The following STX8 variants were observed in gnomAD, a reference collection of about 807,000 sequenced individuals.
STX8 encodes syntaxin-8.
In STX8, 23 loss-of-function variants were observed where a neutral mutation model predicts 37.5. That is an observed-to-expected ratio of 0.61 (90% confidence interval 0.44 to 0.87). The LOEUF is 0.87. Ranked by LOEUF, STX8 falls within the 40% of genes least tolerant of loss-of-function variation. The pLI, the probability that STX8 is intolerant of heterozygous loss-of-function variation, is 0.00. For synonymous variants in STX8, 115 were observed against 99.1 expected (o/e 1.16, Z -0.95); for missense variants, 313 against 284.7 (o/e 1.10, Z -0.71).
chr17:9,552,228 G>T (rs988119190), intron 3 of STX8, among the ~76,000 whole-genome samples: 2 of 152,144 alleles, frequency 1.3e-5, no homozygotes, highest in African/African-American at 4.8e-5. Context: ...TGGACCCCTA[G>T]CTACTTGGGA....
chr17:9,522,894 T>C (rs185991414), intron 4 of STX8, among the ~76,000 whole-genome samples: 1 of 152,200 alleles, frequency 6.6e-6, no homozygotes, highest in East Asian at 1.9e-4. Flanking sequence ...TAATTTACAG[T>C]TTTTTGAATA....
At chr17:9,510,098 T>C (rs1209547699) in intron 4 of STX8, among the ~76,000 whole-genome samples, 2 of 152,144 alleles carry the variant, frequency 1.3e-5, no homozygotes, top group East Asian at 1.9e-4. Flanking sequence ...TGTAAATATA[T>C]ACACATTCAA....
intron 6 of STX8, among the ~76,000 whole-genome samples, chr17:9,454,149 TC>T (rs1487783323): frequency 1.4e-4 from 22 of 152,328 alleles, no homozygotes; most frequent in African/African-American, 5.3e-4. Flanking sequence ...TACACAGTAG[TC>T]CCCGCTTGTC....
At chr17:9,359,190 C>T (rs1910980165) in intron 7 of STX8, among the ~76,000 whole-genome samples, 1 of 151,936 alleles carries the variant, frequency 6.6e-6, no homozygotes, top group Non-Finnish European at 1.5e-5. Context: ...TTACAGGCGC[C>T]TGCCACCACG....
intron 6 of STX8, among the ~76,000 whole-genome samples, chr17:9,440,827 A>ATT (rs140873719): frequency 1.4e-4 from 21 of 151,736 alleles, no homozygotes; most frequent in African/African-American, 4.8e-4. Context: ...ATCCAGCCTG[A>ATT]TTTTTTTTTA....
At position 9,371,635 on chromosome 17, in the gene STX8, CTT is replaced by C. The variant is rs11295188; in HGVS notation, c.643+6915_643+6916del. Among the ~76,000 whole-genome samples, 90 of 145,742 alleles carry C rather than the reference CTT, an allele frequency of 6.2e-4. 1 individual carries two copies. The highest frequency in any genetic ancestry group is 1.9e-3 in the African/African-American group (76 of 39,942). On this transcript the variant is annotated intron_variant, in intron 7 of 7. Coordinates refer to ENST00000306357, the MANE Select transcript of STX8 (RefSeq NM_004853.3). ...GCTAACATTTATCAAATGGATTATG[CTT>C]TTTTTTTTTTTCTTTCTTCTGGTTT...
chr17:9,268,714 C>A (rs1203357410), intron 7 of STX8, among the ~76,000 whole-genome samples: 2 of 152,202 alleles, frequency 1.3e-5, no homozygotes, highest in Non-Finnish European at 2.9e-5. Context: ...AGAACTGGTG[C>A]TCTTCAACCC....
chr17:9,391,399 C>A (rs545704470), intron 6 of STX8, among the ~76,000 whole-genome samples: 2 of 152,052 alleles, frequency 1.3e-5, no homozygotes, highest in African/African-American at 4.8e-5. Context: ...TTGCAGTGAG[C>A]GGAGATCATG....
intron 7 of STX8, among the ~76,000 whole-genome samples, chr17:9,310,402 C>T (rs766170739): frequency 1.3e-5 from 2 of 152,182 alleles, no homozygotes; most frequent in Non-Finnish European, 2.9e-5. Context: ...TAGAATAAAA[C>T]ACATCTGCTT....
chr17:9,516,310 TATATA>T (rs1424092220), intron 4 of STX8, among the ~76,000 whole-genome samples: 6 of 89,624 alleles, frequency 6.7e-5, no homozygotes, highest in Non-Finnish European at 1.3e-4. Context: ...TATATATATA[TATATA>T]TATATATATA....
intron 7 of STX8, among the ~76,000 whole-genome samples, chr17:9,263,639 T>C (rs576656070): frequency 4.6e-5 from 7 of 152,316 alleles, no homozygotes; most frequent in African/African-American, 1.7e-4. Flanking sequence ...GACTTTGAGG[T>C]TATTTCAAAA....
At chr17:9,405,833 C>T (rs1445428897) in intron 6 of STX8, among the ~76,000 whole-genome samples, 2 of 152,172 alleles carry the variant, frequency 1.3e-5, no homozygotes, top group African/African-American at 4.8e-5. Flanking sequence ...TCAAACAAAA[C>T]CTCTTTCTGA....
intron 4 of STX8, among the ~76,000 whole-genome samples, chr17:9,534,335 G>GAAAC (rs149008719): frequency 0.012 from 1,813 of 151,702 alleles, 27 homozygotes; most frequent in African/African-American, 0.037. Context: ...ATGCCTTGGA[G>GAAAC]AAACAAACAA....
chr17:9,459,656 C>T (rs931835466), intron 6 of STX8, among the ~76,000 whole-genome samples: 1 of 152,194 alleles, frequency 6.6e-6, no homozygotes, highest in Non-Finnish European at 1.5e-5. Context: ...GCTGGGACTA[C>T]AGGCACCCAC....
chr17:9,530,046 G>A (rs1010786558), intron 4 of STX8, among the ~76,000 whole-genome samples: 1 of 152,100 alleles, frequency 6.6e-6, no homozygotes, highest in African/African-American at 2.4e-5. Flanking sequence ...AGTGGCTCAC[G>A]CCTGTAATCC....
Position 9,408,815 on chromosome 17 carries a change from G to C in STX8, c.542-30162C>G, listed in dbSNP as rs976037785. ...CATTACACCTGTGATTAATGAATCA[G>C]AAACATCCTCTTCCAGAAAAGTCTA... On this transcript the variant is annotated intron_variant, in intron 6 of 7. Transcript: ENST00000306357. 2.2e-4 allele frequency among the ~76,000 whole-genome samples: 33 copies of C among 152,274 alleles called. 1 individual carries two copies. The highest frequency in any genetic ancestry group is 7.5e-4 in the African/African-American group (31 of 41,542).
rs34987749 is a variant in STX8, at chr17:9,339,070, C to CAAAAAAA, written c.643+39475_643+39481dup. ...TGGTTGACAAAGCGAGACTCCGTCTCAAAAAAAAAAAAAAAAAAAAATTCC... is the reference window on the plus strand; with the variant it reads ...TGGTTGACAAAGCGAGACTCCGTCTCAAAAAAAAAAAAAAAAAAAAAAAAAAAATTCC... On this transcript the variant is annotated intron_variant, in intron 7 of 7. Coordinates refer to ENST00000306357, the MANE Select transcript of STX8 (RefSeq NM_004853.3). 3.2e-3 allele frequency among the ~76,000 whole-genome samples: 225 copies of CAAAAAAA among 70,000 alleles called. 4 individuals carry two copies. Among genetic ancestry groups the CAAAAAAA allele is most frequent in the African/African-American group, 0.014 (211 of 15,490 alleles). 45.9% of individuals were successfully genotyped at this position (70,000 alleles called of 152,430 possible).
At chr17:9,406,949 C>T (rs930498080) in intron 6 of STX8, among the ~76,000 whole-genome samples, 1 of 152,122 alleles carries the variant, frequency 6.6e-6, no homozygotes, top group Admixed American at 6.5e-5. Context: ...GCAAGGAGGG[C>T]TGATGAAGAG....
intron 1 of STX8, among the ~76,000 whole-genome samples, chr17:9,570,135 G>A (rs890635207): frequency 2.0e-5 from 3 of 151,974 alleles, no homozygotes; most frequent in Non-Finnish European, 4.4e-5. Context: ...TTTTGCTTGA[G>A]TAAACAATAT....
Sources: allele counts gnomAD v4.1 joint callset (sites outside exome capture counted in the v4.1 genomes callset), GRCh38; gene constraint gnomAD v4.1.1; transcripts MANE v1.5; gene names NCBI Gene and HGNC (gene_info 2026-07-23, HGNC 2026-07-21).